APOBEC3A: variants seen among roughly 807,000 people sequenced by gnomAD.
APOBEC3A encodes apolipoprotein B mRNA editing enzyme catalytic subunit 3A, also known as DNA dC->dU-editing enzyme APOBEC-3A.
In APOBEC3A, 13 loss-of-function variants were observed where a neutral mutation model predicts 23.0. The ratio of observed to expected loss-of-function variants is 0.57; its 90% CI spans 0.37 to 0.90. The LOEUF (loss-of-function observed/expected upper bound fraction) is 0.90, where lower values mean the gene tolerates loss of function less well. Among genes scored for constraint, APOBEC3A ranks in the 40% least tolerant of loss-of-function variants. The pLI is 0.01. For synonymous variants in APOBEC3A, 74 were observed against 101.3 expected, an observed-to-expected ratio of 0.73 and a Z score of 1.62; for missense variants, 179 against 264.9, an observed-to-expected ratio of 0.68 and a Z score of 2.25.
chr22:38,959,250 T>TA (rs764762949), intron 1 of APOBEC3A, among the ~76,000 whole-genome samples: 1 of 152,114 alleles, frequency 6.6e-6, no homozygotes, highest in Non-Finnish European at 1.5e-5. Context: ...GGCCACAGAA[T>TA]AAGACCCAGC....
chr22:38,959,720 C>T, intron 2 of APOBEC3A, 34 bp downstream of exon 2: 1 of 1,602,180 alleles, frequency 6.2e-7, no homozygotes, highest in Non-Finnish European at 8.5e-7. Flanking sequence ...CCGGGCAGGG[C>T]CCTTCCAATC....
chr22:38,962,187 A>T lies in APOBEC3A; in HGVS notation c.559A>T (p.Ser187Cys). 1 of 1,613,460 alleles carries T rather than the reference A, an allele frequency of 6.2e-7. No homozygotes were observed. Among genetic ancestry groups the T allele is most frequent in the Non-Finnish European group, 8.5e-7 (1 of 1,179,974 alleles). ...DGLDEHSQALSGRLRAILQNQ... is the reference protein window; with the variant it reads ...DGLDEHSQALCGRLRAILQNQ... ...ACTAGATGAGCACAGCCAAGCCCTG[A>T]GTGGGAGGCTGCGGGCCATTCTCCA... The change falls in exon 4 of 5, where the codon AGT (serine) becomes TGT (cysteine). Residue 187 changes from serine (S) to cysteine (C), a missense_variant. By Grantham distance (112) the Ser-to-Cys change is moderately radical. This residue lies in a region of APOBEC3A where 37 missense variants were observed against 43.1 expected (regional missense o/e 0.86). Coordinates refer to ENST00000249116, the MANE Select transcript of APOBEC3A (RefSeq NM_145699.4).
intron 2 of APOBEC3A, among the ~76,000 whole-genome samples, chr22:38,960,176 C>A (rs1335626323): frequency 2.0e-5 from 3 of 152,192 alleles, no homozygotes; most frequent in Non-Finnish European, 2.9e-5. Flanking sequence ...CTGGGCCAGG[C>A]CAGGCTGAGG....
rs1193022740 is a variant in APOBEC3A at position 38,957,644 on chromosome 22, T to A, written c.-48T>A. 6.2e-7 allele frequency: 1 copy of A among 1,605,004 alleles called. No homozygotes were observed. The highest frequency in any genetic ancestry group is 2.2e-5 in the East Asian group (1 of 44,672). ...ATCTTAACACCACGCCTTGAGCAAG[T>A]CGCAAGAGCGGGAGGACACAGACCA... On this transcript the variant is annotated 5_prime_UTR_variant, in exon 1 of 5. Transcript: ENST00000249116.
At chr22:38,962,048 A>G (rs1922920279) in intron 3 of APOBEC3A, 50 bp from the exon 4 acceptor site, 3 of 1,575,996 alleles carry the variant, frequency 1.9e-6, no homozygotes, top group Non-Finnish European at 2.6e-6. Flanking sequence ...CCTAGGTGCC[A>G]CCCCGATCCC....
intron 1 of APOBEC3A, 29 bp downstream of exon 1, chr22:38,957,749 C>T (rs199657816): frequency 2.6e-5 from 42 of 1,607,050 alleles, no homozygotes; most frequent in South Asian, 1.2e-4. Context: ...AGCACCTCTG[C>T]GCCTCAGCCT....
rs1485073900 is a variant in APOBEC3A, at chr22:38,958,842, CTTCTTTCTCTTTCCTTCT to C, written c.30-691_30-674del. Among the ~76,000 whole-genome samples, 29 of 123,562 alleles carry C rather than the reference CTTCTTTCTCTTTCCTTCT, an allele frequency of 2.3e-4. No homozygotes were observed. In the East Asian group the frequency reaches 5.6e-3, roughly 24 times the overall value. 81.1% of individuals were successfully genotyped at this position (123,562 alleles called of 152,430 possible). A position where few individuals can be genotyped will look rare whatever the true frequency, so the allele number is the denominator to read the frequency against. ...CCTTCTTTCTTTCTTTCTTTCCTTC[CTTCTTTCTCTTTCCTTCT>C]TTCTTTCTTTCTTTTGTGCTGCCTC... On this transcript the variant is annotated intron_variant, in intron 1 of 4. Coordinates refer to ENST00000249116, the MANE Select transcript of APOBEC3A (RefSeq NM_145699.4).
At position 38,959,193 on chromosome 22, in the gene APOBEC3A, C is replaced by T. The variant is rs954348579; in HGVS notation, c.30-349C>T. On this transcript the variant is annotated intron_variant, in intron 1 of 4. Coordinates refer to ENST00000249116, the MANE Select transcript of APOBEC3A (RefSeq NM_145699.4). Reference sequence around the variant, plus strand: ...GAGGAAGCCCCAGAGGGTCCATCTCCAGCAGGGGCTGTGGGTGAGCAGAGC... The same window carrying T: ...GAGGAAGCCCCAGAGGGTCCATCTCTAGCAGGGGCTGTGGGTGAGCAGAGC... 4.6e-5 allele frequency among the ~76,000 whole-genome samples: 7 copies of T among 152,298 alleles called. No individual in the cohort carries two copies. In the East Asian group the frequency reaches 5.8e-4, roughly 13 times the overall value.
Position 38,959,628 on chromosome 22 carries a change from G to T in APOBEC3A, c.116G>T (p.Arg39Leu), listed in dbSNP as rs533467459. 1.2e-6 allele frequency: 2 copies of T among 1,614,096 alleles called. No individual in the cohort carries two copies. Among genetic ancestry groups the T allele is most frequent in the Non-Finnish European group, 1.7e-6 (2 of 1,179,990 alleles). Residue 39 changes from arginine to leucine, a missense_variant, in exon 2 of 5, where the codon CGC (arginine) becomes CTC (leucine). By Grantham distance (102) the Arg-to-Leu change is moderately radical. This residue lies in a region of APOBEC3A where 87 missense variants were observed against 74.5 expected (regional missense o/e 1.17). Transcript: ENST00000249116. ...ACCTACCTGTGCTACGAAGTGGAGC[G>T]CCTGGACAATGGCACCTCGGTCAAG... ...HKTYLCYEVE[R>L]LDNGTSVKMD... is the part of the protein sequence containing the mutation.
rs764767036 is a variant in APOBEC3A at position 38,962,491 on chromosome 22, C to T, written c.586-4C>T. 6 of 1,598,836 alleles carry T rather than the reference C, an allele frequency of 3.8e-6. No individual in the cohort carries two copies. The highest frequency in any genetic ancestry group is 5.1e-6 in the Non-Finnish European group (6 of 1,173,038). ...TGCTCCATTCAACCCCCCTGCTCTT[C>T]CAGAATCAGGGAAACTGAAGGATGG... On this transcript the variant is annotated splice_polypyrimidine_tract_variant and splice_region_variant and intron_variant, in intron 4 of 4. Transcript: ENST00000249116.
At position 38,962,697 on chromosome 22, in the gene APOBEC3A, C is replaced by G. The variant is rs1294546159; in HGVS notation, c.*188C>G. Reference sequence around the variant, plus strand: ...AGAGTGGGCCGGGCGCGGTGGCTCACGCCTGTAATCCCAGCACTTTGGAGG... The same window carrying G: ...AGAGTGGGCCGGGCGCGGTGGCTCAGGCCTGTAATCCCAGCACTTTGGAGG... On this transcript the variant is annotated 3_prime_UTR_variant, in exon 5 of 5. Coordinates refer to ENST00000249116, the MANE Select transcript of APOBEC3A (RefSeq NM_145699.4). 3.5e-6 allele frequency: 5 copies of G among 1,415,280 alleles called. 2 individuals carry two copies. The highest frequency in any genetic ancestry group is 2.8e-5 in the South Asian group (2 of 70,414). The allele number at this position is 1,415,280 out of a possible 1,614,324, so 87.7% of individuals were successfully genotyped here. A position where few individuals can be genotyped will look rare whatever the true frequency, so the allele number is the denominator to read the frequency against.
rs1375871923 is a variant in APOBEC3A, at chr22:38,961,599, C to G, written c.387C>G (p.Ile129Met). Reference sequence around the variant, plus strand: ...GACTGCGTATCTTCGCTGCCCGCATCTATGATTACGACCCCCTATATAAGG... The same window carrying G: ...GACTGCGTATCTTCGCTGCCCGCATGTATGATTACGACCCCCTATATAAGG... Reference protein sequence around the residue: ...HVRLRIFAARIYDYDPLYKEA... With the variant: ...HVRLRIFAARMYDYDPLYKEA... The change falls in exon 3 of 5, where the codon ATC becomes ATG. Residue 129 changes from isoleucine to methionine, a missense_variant. Coordinates refer to ENST00000249116, the MANE Select transcript of APOBEC3A (RefSeq NM_145699.4). The G allele has an allele frequency of 6.5e-7, 1 of 1,532,500 alleles. No homozygotes were observed. The highest frequency in any genetic ancestry group is 9.0e-7 in the Non-Finnish European group (1 of 1,117,288). The allele number at this position is 1,532,500 out of a possible 1,614,324, so 94.9% of individuals were successfully genotyped here. A position where few individuals can be genotyped will look rare whatever the true frequency, so the allele number is the denominator to read the frequency against.
chr22:38,959,865 C>G (rs1189930118), intron 2 of APOBEC3A, among the ~76,000 whole-genome samples, 179 bp downstream of exon 2: 1 of 152,176 alleles, frequency 6.6e-6, no homozygotes, highest in African/African-American at 2.4e-5. Context: ...ACTATCCATG[C>G]CCAGGTGGGG....
chr22:38,962,808 A>C lies in APOBEC3A; in HGVS notation c.*299A>C, dbSNP rs969214524. ...CCTGTCTCTACTAAAAATACAAAAA[A>C]TTAGCCAGGCGTGGTGGCGGGCGCC... On this transcript the variant is annotated 3_prime_UTR_variant, in exon 5 of 5. Transcript: ENST00000249116. 33 of 617,338 alleles carry C rather than the reference A, an allele frequency of 5.3e-5. 1 individual carries two copies. Among genetic ancestry groups the C allele is most frequent in the Non-Finnish European group, 7.9e-5 (32 of 402,622 alleles). 38.2% of individuals were successfully genotyped at this position (617,338 alleles called of 1,614,324 possible). A position where few individuals can be genotyped will look rare whatever the true frequency, so the allele number is the denominator to read the frequency against.
chr22:38,962,068 G>A (rs1328334700), intron 3 of APOBEC3A, 30 bp from the exon 4 acceptor site: 3 of 1,592,600 alleles, frequency 1.9e-6, no homozygotes, highest in Non-Finnish European at 2.6e-6. Flanking sequence ...CACAGCGGGA[G>A]CGTGACTTAT....
At chr22:38,958,465 C>T (rs898564625) in intron 1 of APOBEC3A, among the ~76,000 whole-genome samples, 8 of 147,004 alleles carry the variant, frequency 5.4e-5, no homozygotes, top group Non-Finnish European at 1.0e-4. Context: ...TCCTCCCTTC[C>T]TTCCTTTCTC....
intron 2 of APOBEC3A, among the ~76,000 whole-genome samples, chr22:38,960,965 G>A (rs1380662518): frequency 6.6e-6 from 1 of 151,472 alleles, no homozygotes; most frequent in East Asian, 1.9e-4. Flanking sequence ...CTGACCTTGG[G>A]TACAAAATTG....
intron 3 of APOBEC3A, among the ~76,000 whole-genome samples, 178 bp downstream of exon 3, chr22:38,961,859 A>G (rs1302219673): frequency 1.3e-5 from 2 of 151,952 alleles, no homozygotes; most frequent in African/African-American, 2.4e-5. Flanking sequence ...CAGGGAGGGC[A>G]GGGAGAGTGG....
Position 38,962,865 on chromosome 22 carries a change from G to A in APOBEC3A, c.*356G>A. On this transcript the variant is annotated 3_prime_UTR_variant, in exon 5 of 5. Coordinates refer to ENST00000249116, the MANE Select transcript of APOBEC3A (RefSeq NM_145699.4). ...CCCAGCTACTCTGGAGGCTGAGGCA[G>A]GAGAGTAGCGTGAACCCGGGAGGCA... 2.6e-6 allele frequency: 1 copy of A among 385,406 alleles called. No individual in the cohort carries two copies. Among genetic ancestry groups the A allele is most frequent in the South Asian group, 2.6e-5 (1 of 37,858 alleles). The allele number at this position is 385,406 out of a possible 1,614,324, so 23.9% of individuals were successfully genotyped here.
Sources: allele counts gnomAD v4.1 joint callset (sites outside exome capture counted in the v4.1 genomes callset), GRCh38; gene constraint gnomAD v4.1.1; regional missense constraint gnomAD v4.1.1; transcripts MANE v1.5; gene names NCBI Gene and HGNC (gene_info 2026-07-23, HGNC 2026-07-21).